The following MGAT5 variants were observed in gnomAD, a reference collection of about 807,000 sequenced individuals.
MGAT5 encodes alpha-1,6-mannosylglycoprotein 6-beta-N-acetylglucosaminyltransferase, also known as alpha-1,6-mannosylglycoprotein 6-beta-N-acetylglucosaminyltransferase A.
A neutral mutation model predicts 94.3 loss-of-function variants in MGAT5; 30 were observed. The ratio of observed to expected loss-of-function variants is 0.32; its 90% CI spans 0.24 to 0.43. The LOEUF is 0.43. MGAT5 is among the 20% of genes least tolerant of loss of function. MGAT5 has a pLI of 1.00. For synonymous variants in MGAT5, 310 were observed against 322.9 expected (o/e 0.96, Z 0.43); for missense variants, 691 against 905.5 (o/e 0.76, Z 3.04).
intron 2 of MGAT5, among the ~76,000 whole-genome samples, chr2:134,291,075 AAC>A (rs145935023): frequency 6.6e-5 from 10 of 151,790 alleles, no homozygotes; most frequent in African/African-American, 1.9e-4. Flanking sequence ...TTATTTAGAA[AAC>A]ACACACACAC....
chr2:134,166,243 C>CA (rs1687958777), intron 1 of MGAT5, among the ~76,000 whole-genome samples: 1 of 152,170 alleles, frequency 6.6e-6, no homozygotes, highest in South Asian at 2.1e-4. Flanking sequence ...GAGTGATACA[C>CA]AGAGGGACCC....
intron 2 of MGAT5, among the ~76,000 whole-genome samples, chr2:134,303,731 A>G (rs749618716): frequency 1.8e-4 from 27 of 152,138 alleles, no homozygotes; most frequent in Non-Finnish European, 2.8e-4. Context: ...AGTTTAAGGT[A>G]GTTTATATAC....
intron 1 of MGAT5, among the ~76,000 whole-genome samples, chr2:134,216,185 A>G: frequency 6.6e-6 from 1 of 152,228 alleles, no homozygotes; most frequent in East Asian, 1.9e-4. Flanking sequence ...ATCAGCAGAA[A>G]TAAGGAACCA....
At chr2:134,148,430 C>A (rs1687022961) in intron 1 of MGAT5, among the ~76,000 whole-genome samples, 1 of 152,192 alleles carries the variant, frequency 6.6e-6, no homozygotes, top group South Asian at 2.1e-4. Context: ...AAGTTGAGAA[C>A]CATTGGTCTA....
intron 1 of MGAT5, among the ~76,000 whole-genome samples, chr2:134,125,494 C>G (rs573598527): frequency 6.6e-6 from 1 of 152,314 alleles, no homozygotes; most frequent in Admixed American, 6.5e-5. Context: ...CCTCCTCTTT[C>G]TAGCTGAGGT....
At chr2:134,440,065 C>G (rs1052121482) in intron 14 of MGAT5, among the ~76,000 whole-genome samples, 1 of 152,188 alleles carries the variant, frequency 6.6e-6, no homozygotes, top group African/African-American at 2.4e-5. Flanking sequence ...CTCCATGTTA[C>G]TGCTCAGTGG....
intron 1 of MGAT5, among the ~76,000 whole-genome samples, chr2:134,206,230 A>C (rs192673121): frequency 6.6e-6 from 1 of 152,300 alleles, no homozygotes; most frequent in Admixed American, 6.5e-5. Flanking sequence ...CAGCGAGAGG[A>C]AAGAGAAGTG....
At position 134,238,015 on chromosome 2, in the gene MGAT5, C is replaced by G. The variant is rs190902363; in HGVS notation, c.-142-16247C>G. Among the ~76,000 whole-genome samples, 133 of 152,282 alleles carry G rather than the reference C, an allele frequency of 8.7e-4. 1 individual carries two copies. The highest frequency in any genetic ancestry group is 2.9e-3 in the African/African-American group (122 of 41,558). On this transcript the variant is annotated intron_variant, in intron 1 of 16. Transcript: ENST00000409645. Reference sequence around the variant, plus strand: ...CCGCCCACCTTGACCTCCCAAAGTGCTGGGATTACAGGCGTGAGCCACTGC... The same window carrying G: ...CCGCCCACCTTGACCTCCCAAAGTGGTGGGATTACAGGCGTGAGCCACTGC...
intron 10 of MGAT5, among the ~76,000 whole-genome samples, chr2:134,383,766 C>T (rs952848215): frequency 1.5e-4 from 22 of 151,632 alleles, no homozygotes; most frequent in Non-Finnish European, 1.8e-4. Context: ...TGCAGTGGCA[C>T]GATCTTGGCT....
chr2:134,305,159 T>A (rs1218782563), intron 2 of MGAT5, among the ~76,000 whole-genome samples: 3 of 152,194 alleles, frequency 2.0e-5, no homozygotes, highest in Non-Finnish European at 4.4e-5. Context: ...TTCTGCATTA[T>A]CTTGCAATTT....
intron 15 of MGAT5, among the ~76,000 whole-genome samples, chr2:134,447,354 G>A (rs767500703): frequency 1.3e-5 from 2 of 152,210 alleles, no homozygotes; most frequent in South Asian, 2.1e-4. Flanking sequence ...GGGTGATGAC[G>A]ACAATGACCA....
intron 9 of MGAT5, among the ~76,000 whole-genome samples, chr2:134,360,581 T>C (rs1324065490): frequency 6.6e-6 from 1 of 152,096 alleles, no homozygotes. Flanking sequence ...TGAAGTATAG[T>C]GTCAGGTTTG....
chr2:134,204,064 G>A (rs1180195559), intron 1 of MGAT5, among the ~76,000 whole-genome samples: 1 of 152,200 alleles, frequency 6.6e-6, no homozygotes, highest in African/African-American at 2.4e-5. Flanking sequence ...AAAAGGATCA[G>A]ATCTGTCTAA....
Position 134,441,896 on chromosome 2 carries a change from A to G in MGAT5, c.2008A>G (p.Lys670Glu). The change falls in exon 15 of 16, where the codon AAG becomes GAG. Residue 670 changes from lysine (K) to glutamate (E), a missense_variant. Physicochemically the swap from Lys to Glu is moderately conservative, Grantham distance 56. Coordinates refer to ENST00000281923, the MANE Select transcript of MGAT5 (RefSeq NM_002410.5). The stretch of plus-strand genomic sequence containing the variant: ...GCCTTCTTTCTTCCAGCACCTCAAC[A>G]AGGACAAGGACATGCTGAAGTAAGT... ...CEPSFFQHLN[K>E]DKDMLKYKVT... 6 of 1,613,596 alleles carry G rather than the reference A, an allele frequency of 3.7e-6. No homozygotes were observed. The highest frequency in any genetic ancestry group is 4.2e-6 in the Non-Finnish European group (5 of 1,179,750).
intron 2 of MGAT5, among the ~76,000 whole-genome samples, chr2:134,285,258 C>CTT (rs144222719): frequency 6.6e-6 from 1 of 151,164 alleles, no homozygotes; most frequent in Non-Finnish European, 1.5e-5. Flanking sequence ...TCAATGACAG[C>CTT]TTTTTTTTTC....
intron 1 of MGAT5, among the ~76,000 whole-genome samples, chr2:134,217,758 T>C (rs1680570912): frequency 1.3e-5 from 2 of 152,184 alleles, no homozygotes; most frequent in East Asian, 1.9e-4. Flanking sequence ...TGGGCTCTTA[T>C]TTGGTCCTCT....
chr2:134,421,689 C>T (rs1164112402), intron 12 of MGAT5, among the ~76,000 whole-genome samples: 1 of 152,130 alleles, frequency 6.6e-6, no homozygotes, highest in Non-Finnish European at 1.5e-5. Flanking sequence ...CAGGACTGTC[C>T]TTGGACATTG....
At chr2:134,319,974 GT>G in intron 4 of MGAT5, 1 of 199,274 alleles carries the variant, frequency 5.0e-6, no homozygotes, top group South Asian at 7.6e-5. Context: ...GGGTAGTGAT[GT>G]TTTATGAGTT....
chr2:134,222,180 T>C (rs1447018331), intron 1 of MGAT5, among the ~76,000 whole-genome samples: 1 of 152,098 alleles, frequency 6.6e-6, no homozygotes, highest in Admixed American at 6.5e-5. Flanking sequence ...TTCTGAGCTA[T>C]CATGATCTGG....
Sources: allele counts gnomAD v4.1 joint callset (sites outside exome capture counted in the v4.1 genomes callset), GRCh38; gene constraint gnomAD v4.1.1; transcripts MANE v1.5; gene names NCBI Gene and HGNC (gene_info 2026-07-23, HGNC 2026-07-21).